The following MACROD2 variants were observed in gnomAD, a reference collection of about 807,000 sequenced individuals.
The protein encoded by MACROD2 is ADP-ribose glycohydrolase MACROD2.
Under a neutral mutation model 70.4 loss-of-function variants are expected in MACROD2, and 36 were observed. The observed-to-expected ratio is 0.51, with a 90% CI of 0.39 to 0.68. The LOEUF (loss-of-function observed/expected upper bound fraction) is 0.68, where lower values mean the gene tolerates loss of function less well. Among genes scored for constraint, MACROD2 ranks in the 30% least tolerant of loss-of-function variants. MACROD2 has a pLI of 0.00. For synonymous variants in MACROD2, 172 were observed against 178.8 expected (o/e 0.96, Z 0.30); for missense variants, 496 against 538.4 (o/e 0.92, Z 0.78).
At chr20:14,349,776 C>A (rs912436103) in intron 3 of MACROD2, among the ~76,000 whole-genome samples, 3 of 150,138 alleles carry the variant, frequency 2.0e-5, no homozygotes, top group Non-Finnish European at 4.4e-5. Flanking sequence ...TCAGTTCCAT[C>A]CATGTTATTG....
intron 5 of MACROD2, among the ~76,000 whole-genome samples, chr20:14,982,965 G>A (rs565515130): frequency 6.6e-6 from 1 of 152,292 alleles, no homozygotes; most frequent in African/African-American, 2.4e-5. Context: ...ATGCCAGCCT[G>A]TGAAGGCAGC....
intron 5 of MACROD2, among the ~76,000 whole-genome samples, chr20:15,076,266 T>A (rs2075657487): frequency 6.6e-6 from 1 of 152,168 alleles, no homozygotes; most frequent in Non-Finnish European, 1.5e-5. Flanking sequence ...AAGTACTTCA[T>A]TTGGGTAAAT....
At chr20:15,286,362 G>A (rs6135378) in intron 6 of MACROD2, among the ~76,000 whole-genome samples, 7,802 of 152,154 alleles carry the variant, frequency 0.051, 333 homozygotes, top group East Asian at 0.16. Flanking sequence ...GGAAGTACTT[G>A]GGAACTAACA....
chr20:15,112,386 TTTAATAA>T (rs531779207), intron 5 of MACROD2, among the ~76,000 whole-genome samples: 304 of 152,324 alleles, frequency 2.0e-3, no homozygotes, highest in African/African-American at 7.0e-3. Flanking sequence ...CTCTTCTAAT[TTTAATAA>T]TGCATTTGAA....
At chr20:14,890,996 TCCCTCCCTCCCTTCCTA>T (rs2073751956) in intron 5 of MACROD2, among the ~76,000 whole-genome samples, 1 of 134,252 alleles carries the variant, frequency 7.4e-6, no homozygotes, top group Non-Finnish European at 1.6e-5. Context: ...CCTTCCTCCC[TCCCTCCCTCCCTTCCTA>T]CCTTCCTTCC....
intron 8 of MACROD2, among the ~76,000 whole-genome samples, chr20:15,792,867 A>G (rs2063637376): frequency 6.6e-6 from 1 of 152,218 alleles, no homozygotes; most frequent in Middle Eastern, 3.2e-3. Flanking sequence ...ACTAGCAAGA[A>G]TGCTTACTGT....
intron 8 of MACROD2, among the ~76,000 whole-genome samples, chr20:15,828,493 T>C (rs548512377): frequency 6.6e-6 from 1 of 152,322 alleles, no homozygotes; most frequent in South Asian, 2.1e-4. Flanking sequence ...TACTGACATT[T>C]GCTCTTGAAG....
At chr20:15,021,489 CAT>C (rs1457080183) in intron 5 of MACROD2, 1 of 150,154 alleles carries the variant, frequency 6.7e-6, no homozygotes, top group Non-Finnish European at 1.5e-5. Flanking sequence ...TATATGCACA[CAT>C]ATATGTATAC....
rs115959105 is a variant in MACROD2 at position 15,021,292 on chromosome 20, G to A, written c.419-208648G>A. ...TGTGTGTATACGCACACCTGTGTGT[G>A]TGTATATGCACATATACATATACAT... On this transcript the variant is annotated intron_variant, in intron 5 of 17. Coordinates refer to ENST00000684519, the MANE Select transcript of MACROD2 (RefSeq NM_001351661.2). Among the ~76,000 whole-genome samples the A allele has an allele frequency of 5.4e-3, 258 of 47,554 alleles. 26 individuals are homozygous for A. The highest frequency in any genetic ancestry group is 0.013 in the African/African-American group (137 of 10,594). The allele number at this position is 47,554 out of a possible 152,430, so 31.2% of individuals were successfully genotyped here.
rs76889368 is a variant in MACROD2 at position 15,585,477 on chromosome 20, T to C, written c.645+85630T>C. 6.6e-4 allele frequency among the ~76,000 whole-genome samples: 101 copies of C among 152,286 alleles called. 2 individuals are homozygous for C. In the East Asian group the frequency reaches 0.018, roughly 27 times the overall value. On this transcript the variant is annotated intron_variant, in intron 8 of 17. Transcript: ENST00000684519. ...TCCCAAAGTGCTGGGATTAGAGGCGTGAGCCACCATGCCCGGCCTGGAGCG... is the reference window on the plus strand; with the variant it reads ...TCCCAAAGTGCTGGGATTAGAGGCGCGAGCCACCATGCCCGGCCTGGAGCG...
chr20:14,217,161 A>G (rs546984323), intron 3 of MACROD2, among the ~76,000 whole-genome samples: 1 of 152,192 alleles, frequency 6.6e-6, no homozygotes, highest in African/African-American at 2.4e-5. Context: ...GATGGCTTTT[A>G]TTGCATTAAG....
intron 6 of MACROD2, among the ~76,000 whole-genome samples, chr20:15,309,806 G>A (rs1323400630): frequency 6.6e-6 from 1 of 152,164 alleles, no homozygotes; most frequent in Non-Finnish European, 1.5e-5. Flanking sequence ...CAAAGAGAAA[G>A]TGATATTTTT....
Position 15,918,017 on chromosome 20 carries a change from C to T in MACROD2, c.776-15259C>T, listed in dbSNP as rs116126894. Among the ~76,000 whole-genome samples, 204 of 148,302 alleles carry T rather than the reference C, an allele frequency of 1.4e-3. 1 individual carries two copies. The highest frequency in any genetic ancestry group is 4.8e-3 in the African/African-American group (195 of 40,930). On this transcript the variant is annotated intron_variant, in intron 10 of 17. Transcript: ENST00000684519. ...GTCCTACATGAAAACTGTGCAGAGA[C>T]TTGAAAACTCTTGCAAGAGTGGGGA...
At chr20:14,153,692 T>C (rs564980406) in intron 3 of MACROD2, among the ~76,000 whole-genome samples, 4 of 152,324 alleles carry the variant, frequency 2.6e-5, no homozygotes, top group Admixed American at 2.0e-4. Context: ...GTGATATATA[T>C]GTTCTGTAAT....
At chr20:14,047,273 C>T (rs899716305) in intron 2 of MACROD2, among the ~76,000 whole-genome samples, 11 of 151,878 alleles carry the variant, frequency 7.2e-5, no homozygotes, top group East Asian at 1.9e-4. Context: ...GGTGAAACTC[C>T]GTCTCTACTA....
intron 3 of MACROD2, among the ~76,000 whole-genome samples, chr20:14,467,292 G>T (rs2084466009): frequency 6.6e-6 from 1 of 152,138 alleles, no homozygotes. Flanking sequence ...AGGCTGCTGT[G>T]CTAGCAATGA....
chr20:14,939,401 A>C (rs1306349226), intron 5 of MACROD2, among the ~76,000 whole-genome samples: 1 of 151,880 alleles, frequency 6.6e-6, no homozygotes, highest in Non-Finnish European at 1.5e-5. Flanking sequence ...GTTGGCTATA[A>C]ATGTGCAGAT....
chr20:15,367,639 T>C (rs1397507552), intron 6 of MACROD2, among the ~76,000 whole-genome samples: 1 of 152,150 alleles, frequency 6.6e-6, no homozygotes, highest in Non-Finnish European at 1.5e-5. Context: ...TTTTTTCTAA[T>C]TCTATCTTCT....
intron 4 of MACROD2, among the ~76,000 whole-genome samples, chr20:14,630,674 G>A (rs77974283): frequency 0.014 from 2,093 of 152,170 alleles, 43 homozygotes; most frequent in African/African-American, 0.048. Flanking sequence ...TATGCCCATT[G>A]TCAAGAAAAT....
Sources: gnomAD v4.1 joint callset for allele counts (sites outside exome capture counted in the v4.1 genomes callset) on GRCh38, gnomAD v4.1.1 for gene constraint, MANE v1.5 for transcripts, NCBI Gene and HGNC (gene_info 2026-07-23, HGNC 2026-07-21) for gene names.